STRBP: variants seen among roughly 807,000 people sequenced by gnomAD.
STRBP encodes the protein spermatid perinuclear RNA binding protein.
In STRBP, 13 loss-of-function variants were observed where a neutral mutation model predicts 80.1. That is an observed-to-expected ratio of 0.16 (90% CI 0.11 to 0.26). The LOEUF (loss-of-function observed/expected upper bound fraction) is 0.26, where lower values mean the gene tolerates loss of function less well. Among genes scored for constraint, STRBP ranks in the 10% least tolerant of loss-of-function variants. The pLI, the probability that STRBP is intolerant of heterozygous loss-of-function variation, is 1.00. For synonymous variants in STRBP, 284 were observed against 291.2 expected (o/e 0.98, Z 0.25); for missense variants, 485 against 815.2 (o/e 0.59, Z 4.93).
At chr9:123,268,227 G>A (rs1159825775) in intron 1 of STRBP, among the ~76,000 whole-genome samples, 1 of 151,670 alleles carries the variant, frequency 6.6e-6, no homozygotes, top group South Asian at 2.1e-4. Flanking sequence ...CCGCAGCGGC[G>A]GCGGCGGCGG....
At chr9:123,182,264 CAGA>C in intron 3 of STRBP, among the ~76,000 whole-genome samples, 1 of 96,660 alleles carries the variant, frequency 1.0e-5, no homozygotes, top group Middle Eastern at 6.8e-3. Context: ...AAAATTAAAT[CAGA>C]AGAACCATGC....
chr9:123,144,419 G>A (rs2036726933), intron 13 of STRBP, among the ~76,000 whole-genome samples: 2 of 151,898 alleles, frequency 1.3e-5, no homozygotes, highest in South Asian at 4.2e-4. Flanking sequence ...TTTATGCAAA[G>A]GAACATATAA....
intron 4 of STRBP, among the ~76,000 whole-genome samples, chr9:123,177,077 G>A (rs1177345154): frequency 6.6e-6 from 1 of 152,094 alleles, no homozygotes; most frequent in Admixed American, 6.6e-5. Flanking sequence ...CTCACCAGGT[G>A]CACAATATAT....
Position 123,136,201 on chromosome 9 carries a change from C to A in STRBP, c.1633-20G>T. 2 of 1,613,884 alleles carry A rather than the reference C, an allele frequency of 1.2e-6. No individual in the cohort carries two copies. The highest frequency in any genetic ancestry group is 1.7e-6 in the Non-Finnish European group (2 of 1,179,924). ...TTCTACCTACAATCAAGAATAACAC[C>A]TTGCAATTATCCCATGCAATTCCTC... On this transcript the variant is annotated intron_variant, in intron 15 of 18. Transcript: ENST00000348403. The surrounding 1 kb of genome is among the most constrained non-coding windows in gnomAD (Gnocchi z 4.2).
chr9:123,167,018 G>T (rs1041901110), intron 6 of STRBP, among the ~76,000 whole-genome samples: 1 of 152,122 alleles, frequency 6.6e-6, no homozygotes, highest in Non-Finnish European at 1.5e-5. Context: ...TGTAAATCGT[G>T]ATTTGAAAGG....
chr9:123,162,927 C>A (rs1254076105), intron 6 of STRBP, among the ~76,000 whole-genome samples: 1 of 152,166 alleles, frequency 6.6e-6, no homozygotes, highest in African/African-American at 2.4e-5. Context: ...TCAATACAAG[C>A]ATCTGTGTAA....
chr9:123,188,049 A>G (rs1206755137), intron 2 of STRBP, among the ~76,000 whole-genome samples: 1 of 152,038 alleles, frequency 6.6e-6, no homozygotes, highest in Non-Finnish European at 1.5e-5. Flanking sequence ...CCAAGCCCTT[A>G]GTAACCACTA....
intron 2 of STRBP, among the ~76,000 whole-genome samples, chr9:123,197,562 T>C (rs2039139236): frequency 6.6e-6 from 1 of 151,750 alleles, no homozygotes; most frequent in Admixed American, 6.6e-5. Flanking sequence ...CTTTGGGTAC[T>C]CATAACTTAG....
Position 123,124,299 on chromosome 9 carries a change from T to C in STRBP, c.*1298A>G. ...TATTGACAGGGGACCACACTGCTGC[T>C]CCTTCATGGGGGTGAGTACCTTAAT... On this transcript the variant is annotated 3_prime_UTR_variant, in exon 19 of 19. Coordinates refer to ENST00000348403, the MANE Select transcript of STRBP (RefSeq NM_018387.5). 1.0e-6 allele frequency: 1 copy of C among 985,450 alleles called. No individual in the cohort carries two copies. The highest frequency in any genetic ancestry group is 1.2e-6 in the Non-Finnish European group (1 of 829,938). The allele number at this position is 985,450 out of a possible 1,614,324, so 61.0% of individuals were successfully genotyped here. A position where few individuals can be genotyped will look rare whatever the true frequency, so the allele number is the denominator to read the frequency against.
At chr9:123,147,539 T>C (rs2036865489) in intron 12 of STRBP, among the ~76,000 whole-genome samples, 1 of 152,044 alleles carries the variant, frequency 6.6e-6, no homozygotes, top group Non-Finnish European at 1.5e-5. Context: ...TAGCAGGGCG[T>C]GGTGGCACGC....
intron 1 of STRBP, among the ~76,000 whole-genome samples, chr9:123,239,281 G>A (rs201150345): frequency 1.6e-4 from 24 of 151,994 alleles, no homozygotes; most frequent in African/African-American, 5.3e-4. Flanking sequence ...AGGCTGAGGC[G>A]GGAGAATGGC....
intron 13 of STRBP, among the ~76,000 whole-genome samples, chr9:123,140,161 G>C (rs757402398): frequency 9.9e-5 from 15 of 152,174 alleles, no homozygotes; most frequent in Non-Finnish European, 1.3e-4. Context: ...TAAGTTATAT[G>C]ACTCAATCCA....
chr9:123,256,018 C>CTTTTTTTTTTTTTTTTTTTTT (rs11338372), intron 1 of STRBP, among the ~76,000 whole-genome samples: 1 of 71,484 alleles, frequency 1.4e-5, no homozygotes, highest in Non-Finnish European at 2.4e-5. Flanking sequence ...TCCTTTCTTT[C>CTTTTTTTTTTTTTTTTTTTTT]TTTTTTTTTT....
intron 13 of STRBP, among the ~76,000 whole-genome samples, chr9:123,142,116 T>A (rs770071078): frequency 6.6e-6 from 1 of 152,170 alleles, no homozygotes; most frequent in Non-Finnish European, 1.5e-5. Context: ...CCCATTGATA[T>A]GGTTTGTGTC....
rs185622709 is a variant in STRBP at position 123,114,684 on chromosome 9, C to T, written c.*84+1245G>A. Reference sequence around the variant, plus strand: ...CTCGCTCCATTCTACCTCCTCTGTACCCTGTCAGTATCTTCCTCCATTCCC... The same window carrying T: ...CTCGCTCCATTCTACCTCCTCTGTATCCTGTCAGTATCTTCCTCCATTCCC... On this transcript the variant is annotated intron_variant and NMD_transcript_variant, in intron 3 of 3. Coordinates refer to the STRBP transcript ENST00000471564. 2.0e-3 allele frequency: 365 copies of T among 180,500 alleles called. 3 individuals are homozygous for T. The highest frequency in any genetic ancestry group is 7.9e-3 in the African/African-American group (331 of 41,820). The allele number at this position is 180,500 out of a possible 1,614,324, so 11.2% of individuals were successfully genotyped here. A position where few individuals can be genotyped will look rare whatever the true frequency, so the allele number is the denominator to read the frequency against.
At chr9:123,158,967 CA>C in intron 9 of STRBP, 128 bp downstream of exon 9, 1 of 675,270 alleles carries the variant, frequency 1.5e-6, no homozygotes, top group Non-Finnish European at 2.5e-6. Context: ...TTCTAGTTGT[CA>C]AAATTCCAAG....
At chr9:123,133,493 A>T (rs1316182913) in intron 16 of STRBP, among the ~76,000 whole-genome samples, 1 of 151,880 alleles carries the variant, frequency 6.6e-6, no homozygotes. Context: ...TTGGAGCCCG[A>T]TTCCTCTGCT....
intron 3 of STRBP, among the ~76,000 whole-genome samples, chr9:123,180,034 G>A (rs143015677): frequency 1.5e-4 from 23 of 152,132 alleles, no homozygotes; most frequent in African/African-American, 4.8e-4. Context: ...TGGGAGGATC[G>A]CTTGAAGGCC....
chr9:123,183,993 A>G lies in STRBP; in HGVS notation c.3+139T>C, dbSNP rs553044163. Reference sequence around the variant, plus strand: ...TCTGAATTCATTCGCTTTGAATAGTAGAGTGCCATCTTTATATGACACACT... The same window carrying G: ...TCTGAATTCATTCGCTTTGAATAGTGGAGTGCCATCTTTATATGACACACT... On this transcript the variant is annotated intron_variant, in intron 3 of 18. Transcript: ENST00000348403. 71 of 668,722 alleles carry G rather than the reference A, an allele frequency of 1.1e-4. No individual in the cohort carries two copies. In the African/African-American group the frequency reaches 1.2e-3, roughly 11 times the overall value. The allele number at this position is 668,722 out of a possible 1,614,324, so 41.4% of individuals were successfully genotyped here.
Sources: gnomAD v4.1 joint callset for allele counts (sites outside exome capture counted in the v4.1 genomes callset) on GRCh38, gnomAD v4.1.1 for gene constraint, Gnocchi (gnomAD v3.1) non-coding constraint, MANE v1.5 for transcripts, NCBI Gene and HGNC (gene_info 2026-07-23, HGNC 2026-07-21) for gene names.